The following PLXNA4 variants were observed in gnomAD, a reference collection of about 807,000 sequenced individuals.
PLXNA4 encodes the protein plexin A4, also known as plexin-A4.
In PLXNA4, 44 loss-of-function variants were observed where a neutral mutation model predicts 191.8. That is an observed-to-expected ratio of 0.23 (90% CI 0.18 to 0.29). PLXNA4 has a LOEUF of 0.29. Ranked by LOEUF, PLXNA4 falls within the 10% of genes least tolerant of loss-of-function variation. The pLI is 1.00. For missense variants in PLXNA4, 1,800 were observed against 2,488.8 expected (o/e 0.72, Z 5.89); for synonymous variants, 1,082 against 1,009.5 (o/e 1.07, Z -1.36).
chr7:132,385,278 G>A (rs777342939), intron 3 of PLXNA4: 3 of 1,613,720 alleles, frequency 1.9e-6, no homozygotes, highest in South Asian at 2.2e-5. Context: ...GGGTAGGGCA[G>A]AGGCTGGTAC....
rs559750017 is a variant in PLXNA4, at chr7:132,528,135, G to A, written c.-86-19356C>T. 6.0e-4 allele frequency among the ~76,000 whole-genome samples: 92 copies of A among 152,302 alleles called. 1 individual carries two copies. The highest frequency in any genetic ancestry group is 1.5e-5 in the Non-Finnish European group (1 of 68,018). ...AATAAAGAAGGTATTAACCAACTCG[G>A]GATGGTCGGCTCGGAGAACAGAGTA... is the stretch of plus-strand genomic sequence containing the variant. On this transcript the variant is annotated intron_variant, in intron 1 of 31. Transcript: ENST00000321063.
chr7:132,401,684 A>T (rs1793991488), intron 3 of PLXNA4, among the ~76,000 whole-genome samples: 1 of 152,186 alleles, frequency 6.6e-6, no homozygotes, highest in Non-Finnish European at 1.5e-5. Flanking sequence ...AGAAGGGCTC[A>T]GAGATTGTGT....
At chr7:132,406,059 A>G (rs1422638578) in intron 3 of PLXNA4, among the ~76,000 whole-genome samples, 6 of 152,238 alleles carry the variant, frequency 3.9e-5, no homozygotes, top group Non-Finnish European at 4.4e-5. Context: ...CAGTGCAGGC[A>G]GAAATCCCAT....
intron 3 of PLXNA4, among the ~76,000 whole-genome samples, chr7:132,385,966 A>G (rs184450766): frequency 3.9e-5 from 6 of 152,384 alleles, no homozygotes; most frequent in Admixed American, 2.6e-4. Flanking sequence ...TAAGAAGATC[A>G]TTCAACACAT....
chr7:132,204,149 C>G (rs927706901), intron 10 of PLXNA4, among the ~76,000 whole-genome samples: 1 of 151,590 alleles, frequency 6.6e-6, no homozygotes, highest in Non-Finnish European at 1.5e-5. Context: ...TGTTGTGCTC[C>G]TGTCCTCGGA....
intron 21 of PLXNA4, among the ~76,000 whole-genome samples, chr7:132,171,012 C>T (rs1026418272): frequency 2.0e-5 from 3 of 152,202 alleles, no homozygotes; most frequent in Non-Finnish European, 4.4e-5. Flanking sequence ...CAGTTCTCCC[C>T]ACCACTGGGG....
intron 10 of PLXNA4, among the ~76,000 whole-genome samples, chr7:132,209,750 C>G (rs921668130): frequency 1.3e-5 from 2 of 152,246 alleles, no homozygotes; most frequent in African/African-American, 4.8e-5. Context: ...CTCTCCTGGT[C>G]GCACATCACA....
At chr7:132,174,096 A>C (rs1796375368) in intron 21 of PLXNA4, among the ~76,000 whole-genome samples, 1 of 152,200 alleles carries the variant, frequency 6.6e-6, no homozygotes, top group Non-Finnish European at 1.5e-5. Flanking sequence ...ACTCATAGTG[A>C]TTATTCCTCA....
chr7:132,543,831 T>C (rs1800181179), intron 1 of PLXNA4, among the ~76,000 whole-genome samples: 1 of 152,198 alleles, frequency 6.6e-6, no homozygotes, highest in South Asian at 2.1e-4. Context: ...TAGAGGGGCA[T>C]GAGACCAAAA....
Position 132,387,759 on chromosome 7 carries a change from C to G in PLXNA4, c.1372-89537G>C, listed in dbSNP as rs544785724. 8.5e-5 allele frequency among the ~76,000 whole-genome samples: 13 copies of G among 152,238 alleles called. No individual in the cohort carries two copies. In the East Asian group the frequency reaches 2.3e-3, roughly 27 times the overall value. On this transcript the variant is annotated intron_variant, in intron 3 of 31. Transcript: ENST00000321063. ...TCTGTAATGGAGATTGTGGGCGGCC[C>G]ACGCAGAGACAGCAGGATGTTTATT...
At chr7:132,136,589 A>G (rs542631794) in intron 30 of PLXNA4, among the ~76,000 whole-genome samples, 2 of 152,218 alleles carry the variant, frequency 1.3e-5, no homozygotes, top group African/African-American at 4.8e-5. Flanking sequence ...ACAGAGCCGC[A>G]TCCTCCACTG....
At chr7:132,178,744 CACAT>C (rs1406457905) in intron 20 of PLXNA4, among the ~76,000 whole-genome samples, 825 of 73,414 alleles carry the variant, frequency 0.011, 37 homozygotes, top group African/African-American at 0.058. Context: ...GTAAATGAAA[CACAT>C]ACACACACAC....
chr7:132,459,373 T>A (rs185894566), intron 3 of PLXNA4, among the ~76,000 whole-genome samples: 4 of 152,162 alleles, frequency 2.6e-5, no homozygotes, highest in African/African-American at 9.7e-5. Context: ...TTATTTGAAA[T>A]ATAGCCTTCT....
chr7:132,213,525 C>T (rs1222226964), intron 9 of PLXNA4, among the ~76,000 whole-genome samples: 1 of 151,272 alleles, frequency 6.6e-6, no homozygotes, highest in Non-Finnish European at 1.5e-5. Flanking sequence ...CGCCAGTAGC[C>T]ACTTGGGGAG....
Position 132,227,377 on chromosome 7 carries a change from C to A in PLXNA4, c.1882+74G>T, listed in dbSNP as rs987901524. 4.4e-5 allele frequency: 70 copies of A among 1,587,308 alleles called. No individual in the cohort carries two copies. In the Middle Eastern group the frequency reaches 5.5e-4, roughly 12 times the overall value. On this transcript the variant is annotated intron_variant, in intron 7 of 31. Coordinates refer to ENST00000321063, the MANE Select transcript of PLXNA4 (RefSeq NM_020911.2). ...TGCCTGCAGGTTGCTTTGATCCCCC[C>A]ACATCTGTCCTGAGTTCTCCTTATC...
At chr7:132,378,386 G>C (rs973792987) in intron 3 of PLXNA4, among the ~76,000 whole-genome samples, 1 of 152,268 alleles carries the variant, frequency 6.6e-6, no homozygotes, top group Admixed American at 6.5e-5. Context: ...TATGTCCTGG[G>C]TGATTATTTC....
rs28673981 is a variant in PLXNA4 at position 132,299,309 on chromosome 7, C to T, written c.1372-1087G>A. 4.7e-3 allele frequency among the ~76,000 whole-genome samples: 711 copies of T among 152,202 alleles called. 8 individuals are homozygous for T. The highest frequency in any genetic ancestry group is 0.016 in the African/African-American group (676 of 41,522). ...ATATTCCAAATATTCCCATTAGGCA[C>T]TCTTATTTTTAATTTTTAATGTATA... is the stretch of plus-strand genomic sequence containing the variant. On this transcript the variant is annotated intron_variant, in intron 3 of 31. Transcript: ENST00000321063.
intron 3 of PLXNA4, among the ~76,000 whole-genome samples, chr7:132,423,654 C>T (rs1166634947): frequency 6.6e-6 from 1 of 152,152 alleles, no homozygotes; most frequent in Admixed American, 6.5e-5. Context: ...TTGATCATCA[C>T]TCCTCCCTTC....
At chr7:132,203,750 C>A (rs111942194) in intron 10 of PLXNA4, among the ~76,000 whole-genome samples, 4,756 of 152,296 alleles carry the variant, frequency 0.031, 86 homozygotes, top group Middle Eastern at 0.061. Flanking sequence ...CTGCTCCCAT[C>A]CCCTGGAATT....
Sources: allele counts gnomAD v4.1 joint callset (sites outside exome capture counted in the v4.1 genomes callset), GRCh38; gene constraint gnomAD v4.1.1; transcripts MANE v1.5; gene names NCBI Gene and HGNC (gene_info 2026-07-23, HGNC 2026-07-21).